Variants in POLR3H observed in about 807,000 individuals in gnomAD.
The protein encoded by POLR3H is RNA polymerase III subunit H.
A neutral mutation model predicts 25.5 loss-of-function variants in POLR3H; 17 were observed. That is an observed-to-expected ratio of 0.67 (90% CI 0.46 to 1.00). POLR3H has a LOEUF of 1.00. POLR3H is among the 50% of genes least tolerant of loss of function. The pLI is 0.00. For missense variants in POLR3H, 274 were observed against 265.0 expected, an observed-to-expected ratio of 1.03 and a Z score of -0.24; for synonymous variants, 129 against 103.0, an observed-to-expected ratio of 1.25 and a Z score of -1.53.
Position 41,528,051 on chromosome 22 carries a change from T to G in POLR3H, c.*1232A>C, listed in dbSNP as rs1406551754. On this transcript the variant is annotated 3_prime_UTR_variant, in exon 6 of 6. Coordinates refer to ENST00000355209, the MANE Select transcript of POLR3H (RefSeq NM_001018050.4). ...AGGGGCCCGGGTCCCCCTGAGGTGG[T>G]GGGGTGAGGGGCAGCCACCTTGTTT... 9.3e-6 allele frequency: 15 copies of G among 1,613,560 alleles called. No individual in the cohort carries two copies. The highest frequency in any genetic ancestry group is 1.2e-5 in the Non-Finnish European group (14 of 1,179,926).
rs1474737429 is a variant in POLR3H, at chr22:41,526,824, C to G, written c.*2459G>C. On this transcript the variant is annotated 3_prime_UTR_variant, in exon 6 of 6. Transcript: ENST00000355209. ...AGGGTCTGAGGTGATTGGACTTTTTCTGCTTTGAGAAACAAACAGAACCAG... is the reference window on the plus strand; with the variant it reads ...AGGGTCTGAGGTGATTGGACTTTTTGTGCTTTGAGAAACAAACAGAACCAG... 3 of 299,506 alleles carry G rather than the reference C, an allele frequency of 1.0e-5. No individual in the cohort carries two copies. Among genetic ancestry groups the G allele is most frequent in the Non-Finnish European group, 1.3e-5 (2 of 159,950 alleles). The allele number at this position is 299,506 out of a possible 1,614,324, so 18.6% of individuals were successfully genotyped here. A position where few individuals can be genotyped will look rare whatever the true frequency, so the allele number is the denominator to read the frequency against.
At chr22:41,540,676 C>T (rs1332826424) in intron 2 of POLR3H, 23 bp downstream of exon 2, 4 of 1,573,306 alleles carry the variant, frequency 2.5e-6, no homozygotes, top group Admixed American at 3.3e-5. Context: ...AAGCCCAATG[C>T]CCCAGGGACA....
At chr22:41,539,129 C>T (rs186658983) in intron 2 of POLR3H, 3 of 152,286 alleles carry the variant, frequency 2.0e-5, no homozygotes, top group Non-Finnish European at 4.4e-5. Context: ...CGTGGTGGCA[C>T]GTGCCTATAA....
Position 41,529,126 on chromosome 22 carries a change from G to A in POLR3H, c.*157C>T, listed in dbSNP as rs1302143709. On this transcript the variant is annotated 3_prime_UTR_variant, in exon 6 of 6. Coordinates refer to ENST00000355209, the MANE Select transcript of POLR3H (RefSeq NM_001018050.4). ...GTGAAGGAGGAGCAGGGCCTAGATG[G>A]TGGAGGAGCGGGGCAAGCTGGTGGG... 2.2e-5 allele frequency: 14 copies of A among 633,100 alleles called. No individual in the cohort carries two copies. In the East Asian group the frequency reaches 3.9e-4, roughly 18 times the overall value. The allele number at this position is 633,100 out of a possible 1,614,324, so 39.2% of individuals were successfully genotyped here. A position where few individuals can be genotyped will look rare whatever the true frequency, so the allele number is the denominator to read the frequency against.
intron 2 of POLR3H, among the ~76,000 whole-genome samples, chr22:41,536,809 A>T (rs1369851060): frequency 7.0e-6 from 1 of 142,044 alleles, no homozygotes; most frequent in Non-Finnish European, 1.5e-5. Flanking sequence ...GAGAGGTTGC[A>T]GTGAGCCAAG....
intron 2 of POLR3H, 97 bp from the exon 3 acceptor site, chr22:41,532,842 T>C (rs978622093): frequency 7.6e-7 from 1 of 1,316,592 alleles, no homozygotes; most frequent in African/African-American, 1.5e-5. Flanking sequence ...CCTGTGTGGC[T>C]GCTCCATGCC....
chr22:41,527,772 T>A lies in POLR3H; in HGVS notation c.*1511A>T. 6.7e-7 allele frequency: 1 copy of A among 1,482,320 alleles called. No homozygotes were observed. The highest frequency in any genetic ancestry group is 9.1e-7 in the Non-Finnish European group (1 of 1,095,178). The allele number at this position is 1,482,320 out of a possible 1,614,324, so 91.8% of individuals were successfully genotyped here. ...TGAAAGGGAGCAGACCAGGGCCCCATAGTCACTGCCCGGGCATTGTCCCAG... is the reference window on the plus strand; with the variant it reads ...TGAAAGGGAGCAGACCAGGGCCCCAAAGTCACTGCCCGGGCATTGTCCCAG... On this transcript the variant is annotated 3_prime_UTR_variant, in exon 6 of 6. Coordinates refer to ENST00000355209, the MANE Select transcript of POLR3H (RefSeq NM_001018050.4).
chr22:41,542,131 T>G (rs1413040620), intron 1 of POLR3H, among the ~76,000 whole-genome samples: 1 of 151,980 alleles, frequency 6.6e-6, no homozygotes, highest in Non-Finnish European at 1.5e-5. Flanking sequence ...TCACCCAGGC[T>G]GGAAGGCAGT....
At chr22:41,533,592 G>A in intron 2 of POLR3H, 1 of 1,299,716 alleles carries the variant, frequency 7.7e-7, no homozygotes, top group Non-Finnish European at 1.0e-6. Context: ...CTTCCACGAT[G>A]CCGTCAACCA....
chr22:41,540,839 G>C, intron 1 of POLR3H, 44 bp from the exon 2 acceptor site: 4 of 1,472,242 alleles, frequency 2.7e-6, no homozygotes, highest in South Asian at 2.3e-5. Flanking sequence ...CATGGATACA[G>C]AGTGACCACA....
rs1035679471 is a variant in POLR3H at position 41,526,000 on chromosome 22, G to A, written c.*3283C>T. ...CTGAAGGGTGAGCGAACATTGACCT[G>A]TCCCAACTTTGGGCGGCCTCTGCCC... On this transcript the variant is annotated 3_prime_UTR_variant, in exon 6 of 6. Coordinates refer to ENST00000355209, the MANE Select transcript of POLR3H (RefSeq NM_001018050.4). The A allele has an allele frequency of 2.0e-4, 85 of 417,712 alleles. No homozygotes were observed. Among genetic ancestry groups the A allele is most frequent in the Non-Finnish European group, 2.7e-4 (63 of 231,722 alleles). 25.9% of individuals were successfully genotyped at this position (417,712 alleles called of 1,614,324 possible).
Position 41,528,950 on chromosome 22 carries a change from C to G in POLR3H, c.*333G>C. The G allele has an allele frequency of 2.0e-6, 1 of 510,456 alleles. No homozygotes were observed. The highest frequency in any genetic ancestry group is 1.9e-5 in the African/African-American group (1 of 51,398). 31.6% of individuals were successfully genotyped at this position (510,456 alleles called of 1,614,324 possible). A position where few individuals can be genotyped will look rare whatever the true frequency, so the allele number is the denominator to read the frequency against. On this transcript the variant is annotated 3_prime_UTR_variant, in exon 6 of 6. Transcript: ENST00000355209. ...GATTCTAGAGAACCTTTTGTTCTTGCAAGGAAAACAAGAATCCAAAACCAG... is the reference window on the plus strand; with the variant it reads ...GATTCTAGAGAACCTTTTGTTCTTGGAAGGAAAACAAGAATCCAAAACCAG...
At chr22:41,537,091 G>T (rs5758384) in intron 2 of POLR3H, among the ~76,000 whole-genome samples, 13,041 of 152,066 alleles carry the variant, frequency 0.086, 1,501 homozygotes, top group East Asian at 0.48. Flanking sequence ...CCCAGGCTTG[G>T]AGGATGTGGG....
rs1454196018 is a variant in POLR3H, at chr22:41,528,657, C to T, written c.*626G>A. Reference sequence around the variant, plus strand: ...CCGCCGCTGGCGTCAAGTTCAGCTCCACGTGTGCCATCAGTGGATCCGATC... The same window carrying T: ...CCGCCGCTGGCGTCAAGTTCAGCTCTACGTGTGCCATCAGTGGATCCGATC... On this transcript the variant is annotated 3_prime_UTR_variant, in exon 6 of 6. Coordinates refer to ENST00000355209, the MANE Select transcript of POLR3H (RefSeq NM_001018050.4). 6.9e-6 allele frequency: 11 copies of T among 1,603,232 alleles called. No homozygotes were observed. The highest frequency in any genetic ancestry group is 7.6e-6 in the Non-Finnish European group (9 of 1,176,862).
Position 41,528,738 on chromosome 22 carries a change from C to G in POLR3H, c.*545G>C. ...GTGTGACCAGACATGCTTCCTGCTCCCCGCTTAGCCCACGGAGTGACTGTG... is the reference window on the plus strand; with the variant it reads ...GTGTGACCAGACATGCTTCCTGCTCGCCGCTTAGCCCACGGAGTGACTGTG... On this transcript the variant is annotated 3_prime_UTR_variant, in exon 6 of 6. Transcript: ENST00000355209. 2 of 1,349,304 alleles carry G rather than the reference C, an allele frequency of 1.5e-6. No individual in the cohort carries two copies. The highest frequency in any genetic ancestry group is 2.0e-6 in the Non-Finnish European group (2 of 1,008,648). 83.6% of individuals were successfully genotyped at this position (1,349,304 alleles called of 1,614,324 possible).
intron 5 of POLR3H, among the ~76,000 whole-genome samples, chr22:41,530,007 G>A (rs1309028667): frequency 2.6e-5 from 4 of 152,118 alleles, no homozygotes; most frequent in East Asian, 3.9e-4. Flanking sequence ...CGCCCACCTT[G>A]GCCTCCCAAA....
At chr22:41,543,473 C>G (rs984552162) in intron 1 of POLR3H, among the ~76,000 whole-genome samples, 1 of 152,012 alleles carries the variant, frequency 6.6e-6, no homozygotes, top group Non-Finnish European at 1.5e-5. Context: ...CAAAAATTAG[C>G]TGGGGGTGGT....
chr22:41,529,972 G>A (rs1056634299), intron 5 of POLR3H, among the ~76,000 whole-genome samples: 2 of 151,924 alleles, frequency 1.3e-5, no homozygotes, highest in African/African-American at 4.8e-5. Context: ...AGCCAGGATG[G>A]TCTCAATCTC....
rs201627918 is a variant in POLR3H, at chr22:41,527,873, C to T, written c.*1410G>A. The stretch of plus-strand genomic sequence containing the variant: ...AAGCTCTCCAGGCTAGTCAGGCCCC[C>T]GATGACCGAATGCCGCCTGCTTTCC... On this transcript the variant is annotated 3_prime_UTR_variant, in exon 6 of 6. Coordinates refer to ENST00000355209, the MANE Select transcript of POLR3H (RefSeq NM_001018050.4). The T allele has an allele frequency of 1.7e-5, 27 of 1,613,942 alleles. 1 individual carries two copies. The highest frequency in any genetic ancestry group is 1.3e-4 in the East Asian group (6 of 44,890).
Sources: allele counts gnomAD v4.1 joint callset (sites outside exome capture counted in the v4.1 genomes callset), GRCh38; gene constraint gnomAD v4.1.1; transcripts MANE v1.5; gene names NCBI Gene and HGNC (gene_info 2026-07-23, HGNC 2026-07-21).